MYRIP: variants seen among roughly 807,000 people sequenced by gnomAD.
MYRIP encodes the protein myosin VIIA and Rab interacting protein.
Under a neutral mutation model 98.0 loss-of-function variants are expected in MYRIP, and 49 were observed. The observed-to-expected ratio is 0.50, with a 90% CI of 0.40 to 0.63. The LOEUF (loss-of-function observed/expected upper bound fraction) is 0.63. Ranked by LOEUF, MYRIP falls within the 30% of genes least tolerant of loss-of-function variation. MYRIP has a pLI of 0.00. For synonymous variants in MYRIP, 404 were observed against 409.5 expected (o/e 0.99, Z 0.16); for missense variants, 1,004 against 1,058.2 (o/e 0.95, Z 0.71).
At chr3:40,111,027 T>G (rs973221423) in intron 3 of MYRIP, among the ~76,000 whole-genome samples, 27 of 152,072 alleles carry the variant, frequency 1.8e-4, no homozygotes, top group Non-Finnish European at 7.4e-5. Flanking sequence ...ACCCAGGGTG[T>G]TGACTCAAAG....
Position 40,170,018 on chromosome 3 carries a change from G to C in MYRIP, c.798G>C (p.Gln266His). The C allele has an allele frequency of 6.2e-7, 1 of 1,614,214 alleles. No homozygotes were observed. The highest frequency in any genetic ancestry group is 1.1e-5 in the South Asian group (1 of 91,086). Residue 266 changes from glutamine to histidine, a missense_variant, in exon 8 of 17, where the codon CAG becomes CAC. This residue lies in a region of MYRIP where 880 missense variants were observed against 907.7 expected (regional missense o/e 0.97). Transcript: ENST00000302541. ...VEEEPGWPHP[Q>H]SCSTKVADEG... ...AAGAGCCAGGATGGCCACATCCCCA[G>C]AGTTGCAGCACAAAGGTGGCAGATG...
chr3:40,214,932 C>G (rs1266182476), intron 11 of MYRIP, among the ~76,000 whole-genome samples: 4 of 152,164 alleles, frequency 2.6e-5, no homozygotes, highest in Non-Finnish European at 5.9e-5. Context: ...CTAATTTTTC[C>G]AGGCCTGGAC....
chr3:40,073,207 G>A (rs928622782), intron 3 of MYRIP, among the ~76,000 whole-genome samples: 4 of 152,106 alleles, frequency 2.6e-5, no homozygotes, highest in African/African-American at 9.7e-5. Context: ...GAAGTATGAG[G>A]GTTCTGTGTT....
chr3:39,815,164 G>C (rs189639226), intron 1 of MYRIP, among the ~76,000 whole-genome samples: 177 of 152,212 alleles, frequency 1.2e-3, no homozygotes, highest in Non-Finnish European at 2.0e-3. Flanking sequence ...TCATTTCTCA[G>C]TTCTTATCCC....
At chr3:39,861,037 C>A (rs1030566587) in intron 1 of MYRIP, among the ~76,000 whole-genome samples, 1 of 152,246 alleles carries the variant, frequency 6.6e-6, no homozygotes, top group Non-Finnish European at 1.5e-5. Flanking sequence ...TGTGAATGAG[C>A]ACAGGTCCCA....
chr3:40,039,755 AGTTTCCT>A (rs1947469559), intron 2 of MYRIP, among the ~76,000 whole-genome samples: 1 of 151,584 alleles, frequency 6.6e-6, no homozygotes, highest in Non-Finnish European at 1.5e-5. Context: ...AAACTATATT[AGTTTCCT>A]GAGGCTGCTG....
At chr3:40,204,892 G>A in intron 10 of MYRIP, among the ~76,000 whole-genome samples, 1 of 152,168 alleles carries the variant, frequency 6.6e-6, no homozygotes, top group Non-Finnish European at 1.5e-5. Context: ...ACCTTGGTCT[G>A]TTCCCTGTCC....
intron 2 of MYRIP, among the ~76,000 whole-genome samples, chr3:39,905,122 C>A (rs1943846042): frequency 6.6e-6 from 1 of 152,170 alleles, no homozygotes. Flanking sequence ...CTAGATTACT[C>A]AAGTAAATGT....
At position 39,897,826 on chromosome 3, in the gene MYRIP, CTTTT is replaced by C. The variant is rs66846258; in HGVS notation, c.-30-2945_-30-2942del. On this transcript the variant is annotated intron_variant, in intron 1 of 16. Transcript: ENST00000302541. ...TTTCTTTACAAAAACAAGTCCTGAT[CTTTT>C]TTTTTTTTTTTTTTTAGGTTTGATA... Among the ~76,000 whole-genome samples, 321 of 134,096 alleles carry C rather than the reference CTTTT, an allele frequency of 2.4e-3. 3 individuals are homozygous for C. Among genetic ancestry groups the C allele is most frequent in the African/African-American group, 5.4e-3 (201 of 36,950 alleles). The allele number at this position is 134,096 out of a possible 152,430, so 88.0% of individuals were successfully genotyped here.
intron 1 of MYRIP, among the ~76,000 whole-genome samples, chr3:39,875,547 T>C (rs1478049696): frequency 1.3e-5 from 2 of 152,012 alleles, no homozygotes; most frequent in African/African-American, 4.8e-5. Context: ...TGTGTCTTTG[T>C]TCTCGTTGGT....
intron 1 of MYRIP, among the ~76,000 whole-genome samples, chr3:39,876,360 A>G (rs889615387): frequency 1.3e-5 from 2 of 152,188 alleles, no homozygotes; most frequent in African/African-American, 4.8e-5. Flanking sequence ...TAATACTGTT[A>G]TGTGTGAATT....
intron 8 of MYRIP, 104 bp from the exon 9 acceptor site, chr3:40,182,116 A>G: frequency 1.6e-6 from 2 of 1,260,336 alleles, no homozygotes; most frequent in Non-Finnish European, 1.1e-6. Context: ...ACCATTAAAC[A>G]TGTTTTCTCC....
chr3:39,963,378 C>G (rs926224742), intron 2 of MYRIP, among the ~76,000 whole-genome samples: 1 of 152,162 alleles, frequency 6.6e-6, no homozygotes, highest in Non-Finnish European at 1.5e-5. Context: ...TTAAGCCTAT[C>G]TAATCTCTTT....
chr3:39,953,648 A>G (rs989265613), intron 2 of MYRIP, among the ~76,000 whole-genome samples: 4 of 152,252 alleles, frequency 2.6e-5, no homozygotes, highest in Non-Finnish European at 5.9e-5. Context: ...TGCATTTCCA[A>G]CTGAGGTACT....
At chr3:40,048,026 A>T (rs1947706712) in intron 3 of MYRIP, among the ~76,000 whole-genome samples, 1 of 152,190 alleles carries the variant, frequency 6.6e-6, no homozygotes, top group African/African-American at 2.4e-5. Context: ...TCTGCCCTTC[A>T]TTCAATCTGA....
At chr3:39,857,285 G>A (rs1054719999) in intron 1 of MYRIP, among the ~76,000 whole-genome samples, 1 of 151,966 alleles carries the variant, frequency 6.6e-6, no homozygotes, top group Non-Finnish European at 1.5e-5. Context: ...AAGGAAAAAT[G>A]AGTATCTATG....
At chr3:39,892,409 T>C (rs768890851) in intron 1 of MYRIP, among the ~76,000 whole-genome samples, 2 of 152,220 alleles carry the variant, frequency 1.3e-5, no homozygotes, top group Non-Finnish European at 2.9e-5. Context: ...TGCTACTCCC[T>C]AAGGCAGAGG....
chr3:40,200,601 GCTAA>G (rs1951528112), intron 10 of MYRIP, among the ~76,000 whole-genome samples: 1 of 152,120 alleles, frequency 6.6e-6, no homozygotes, highest in South Asian at 2.1e-4. Flanking sequence ...AAATAGCAGG[GCTAA>G]CTATCAACTA....
At chr3:39,959,283 T>A (rs200724262) in intron 2 of MYRIP, among the ~76,000 whole-genome samples, 11 of 152,160 alleles carry the variant, frequency 7.2e-5, no homozygotes, top group African/African-American at 2.4e-5. Flanking sequence ...CAAATGTCCA[T>A]CAATGATAGA....
Sources: allele counts gnomAD v4.1 joint callset (sites outside exome capture counted in the v4.1 genomes callset), GRCh38; gene constraint gnomAD v4.1.1; regional missense constraint gnomAD v4.1.1; transcripts MANE v1.5; gene names NCBI Gene and HGNC (gene_info 2026-07-23, HGNC 2026-07-21).